Variants in SLC24A2 observed in about 807,000 individuals in gnomAD.
SLC24A2 encodes the protein sodium/potassium/calcium exchanger 2.
SLC24A2 carries 36 observed loss-of-function variants against 62.0 expected under a neutral mutation model. The observed-to-expected ratio is 0.58, with a 90% CI of 0.44 to 0.77. The LOEUF is 0.77. SLC24A2 is among the 30% of genes least tolerant of loss of function. SLC24A2 has a pLI of 0.00. For missense variants in SLC24A2, 846 were observed against 817.9 expected (o/e 1.03, Z -0.42); for synonymous variants, 358 against 294.0 (o/e 1.22, Z -2.23).
At chr9:20,295,994 T>C in the SLC24A2 span, among the ~76,000 whole-genome samples, 2 of 152,250 alleles carry the variant, frequency 1.3e-5, no homozygotes, top group Admixed American at 1.3e-4. Flanking sequence ...TATTGTTCTT[T>C]CTTACTGCAT....
At chr9:19,738,698 A>G (rs1007565996) in intron 2 of SLC24A2, among the ~76,000 whole-genome samples, 6 of 152,202 alleles carry the variant, frequency 3.9e-5, no homozygotes, top group African/African-American at 1.4e-4. Flanking sequence ...CCATTGATGT[A>G]CAATTAGGTT....
the SLC24A2 span, among the ~76,000 whole-genome samples, chr9:20,072,766 C>A: frequency 6.6e-6 from 1 of 151,878 alleles, no homozygotes; most frequent in African/African-American, 2.4e-5. Flanking sequence ...GAGAAAGGAG[C>A]CATAAGCCAA....
At chr9:20,076,867 ATATATATATATATACATATCATATGTG>A in the SLC24A2 span, among the ~76,000 whole-genome samples, 3 of 58,762 alleles carry the variant, frequency 5.1e-5, no homozygotes, top group Non-Finnish European at 1.1e-4. Flanking sequence ...ATATGTATAT[ATATATATATATATACATATCATATGTG>A]TATATATATA....
At chr9:19,724,376 G>GTCAT (rs796726948) in intron 2 of SLC24A2, among the ~76,000 whole-genome samples, 12 of 152,264 alleles carry the variant, frequency 7.9e-5, no homozygotes, top group African/African-American at 2.9e-4. Flanking sequence ...ATAAGAGCAA[G>GTCAT]TCATTATCTT....
chr9:19,759,481 C>G (rs901185216), intron 2 of SLC24A2, among the ~76,000 whole-genome samples: 3 of 152,144 alleles, frequency 2.0e-5, no homozygotes, highest in Non-Finnish European at 4.4e-5. Flanking sequence ...AAAAGCAGAA[C>G]AATATTCTTT....
At chr9:19,814,667 T>G in the SLC24A2 span, among the ~76,000 whole-genome samples, 1 of 152,172 alleles carries the variant, frequency 6.6e-6, no homozygotes, top group Non-Finnish European at 1.5e-5. Context: ...TGGCTCACTT[T>G]GCCCTGGATA....
At chr9:19,595,204 A>G (rs1452308661) in intron 5 of SLC24A2, among the ~76,000 whole-genome samples, 1 of 152,228 alleles carries the variant, frequency 6.6e-6, no homozygotes, top group African/African-American at 2.4e-5. Flanking sequence ...CTGAGAAGTC[A>G]CGTGATAAAG....
the SLC24A2 span, among the ~76,000 whole-genome samples, chr9:20,123,568 GA>G: frequency 6.6e-6 from 1 of 152,028 alleles, no homozygotes; most frequent in African/African-American, 2.4e-5. Context: ...ATGAGACTTT[GA>G]AAAAATACTG....
the SLC24A2 span, among the ~76,000 whole-genome samples, chr9:20,099,327 C>T: frequency 2.0e-5 from 3 of 152,178 alleles, no homozygotes; most frequent in African/African-American, 4.8e-5. Flanking sequence ...ACTGTAATAA[C>T]TCATTCATCT....
At chr9:20,047,621 GT>G in the SLC24A2 span, among the ~76,000 whole-genome samples, 4 of 141,168 alleles carry the variant, frequency 2.8e-5, no homozygotes, top group South Asian at 9.8e-4. Context: ...TCTTCACTGT[GT>G]CTGGTGACAG....
intron 5 of SLC24A2, among the ~76,000 whole-genome samples, chr9:19,580,854 T>C (rs993806887): frequency 8.5e-5 from 13 of 152,180 alleles, no homozygotes; most frequent in Non-Finnish European, 1.9e-4. Context: ...CCAGTGGTAT[T>C]GGTAGAGTTA....
the SLC24A2 span, among the ~76,000 whole-genome samples, chr9:20,147,209 G>A: frequency 1.2e-4 from 18 of 152,234 alleles, no homozygotes; most frequent in African/African-American, 3.6e-4. Context: ...AGTATTGCCT[G>A]GAGAAAGGTT....
At chr9:20,217,272 C>A in the SLC24A2 span, among the ~76,000 whole-genome samples, 1 of 152,154 alleles carries the variant, frequency 6.6e-6, no homozygotes, top group Non-Finnish European at 1.5e-5. Context: ...CAAAACTGAT[C>A]TATGCTGTTA....
At chr9:19,811,007 T>G in the SLC24A2 span, among the ~76,000 whole-genome samples, 15 of 151,904 alleles carry the variant, frequency 9.9e-5, no homozygotes. Flanking sequence ...GTGAACAATC[T>G]GCTATGTATC....
chr9:19,938,616 A>G, the SLC24A2 span, among the ~76,000 whole-genome samples: 11 of 152,298 alleles, frequency 7.2e-5, no homozygotes, highest in Admixed American at 6.5e-4. Context: ...ATAAGTCTCC[A>G]GGTCTCTTTT....
chr9:19,924,240 C>T, the SLC24A2 span, among the ~76,000 whole-genome samples: 1 of 152,076 alleles, frequency 6.6e-6, no homozygotes, highest in Non-Finnish European at 1.5e-5. Flanking sequence ...TGAGAGTAGC[C>T]AGGATGTCCT....
At chr9:19,648,963 A>G (rs1162258303) in intron 2 of SLC24A2, among the ~76,000 whole-genome samples, 1 of 145,538 alleles carries the variant, frequency 6.9e-6, no homozygotes, top group African/African-American at 2.5e-5. Flanking sequence ...TTCCAAAATG[A>G]GAGGGCTTAG....
chr9:19,528,085 T>A lies in SLC24A2; in HGVS notation c.1533A>T (p.Ala511=). 2 of 1,598,658 alleles carry A rather than the reference T, an allele frequency of 1.3e-6. No individual in the cohort carries two copies. The highest frequency in any genetic ancestry group is 2.3e-5 in the South Asian group (2 of 87,740). The change falls in exon 9 of 11, where the codon GCA becomes GCT. Residue 511 remains alanine, a synonymous_variant. Coordinates refer to ENST00000341998, the MANE Select transcript of SLC24A2 (RefSeq NM_020344.4). ...ITFFGSITWI[A]VFSYLMVWWA... is the part of the protein sequence containing the mutation. Reference sequence around the variant, plus strand: ...ACCAGACCATCAAGTAAGAGAATACTGCAATCCAGGTAATGGAGCCAAAGA... The same window carrying A: ...ACCAGACCATCAAGTAAGAGAATACAGCAATCCAGGTAATGGAGCCAAAGA...
intron 2 of SLC24A2, among the ~76,000 whole-genome samples, chr9:19,673,788 C>A (rs1441856402): frequency 1.3e-5 from 2 of 152,142 alleles, no homozygotes; most frequent in African/African-American, 4.8e-5. Flanking sequence ...CTGAAAACAG[C>A]AGATACTTGG....
Sources: gnomAD v4.1 joint callset for allele counts (sites outside exome capture counted in the v4.1 genomes callset) on GRCh38, gnomAD v4.1.1 for gene constraint, MANE v1.5 for transcripts, NCBI Gene and HGNC (gene_info 2026-07-23, HGNC 2026-07-21) for gene names.